Variants in C11orf65 observed in about 807,000 individuals in gnomAD.
C11orf65 encodes protein MFI.
A neutral mutation model predicts 35.3 loss-of-function variants in C11orf65; 38 were observed. That is an observed-to-expected ratio of 1.08 (90% CI 0.83 to 1.41). The LOEUF is 1.41. C11orf65 is among the 40% of genes most tolerant of loss of function. The probability of loss-of-function intolerance (pLI) is 0.00; values close to 1 mark genes in which losing one functional copy is unlikely to be tolerated. For synonymous variants in C11orf65, 105 were observed against 114.4 expected, an observed-to-expected ratio of 0.92 and a Z score of 0.53; for missense variants, 370 against 367.1, an observed-to-expected ratio of 1.01 and a Z score of -0.06.
intron 2 of C11orf65, among the ~76,000 whole-genome samples, chr11:108,459,729 A>G (rs1490770754): frequency 1.0e-4 from 3 of 29,840 alleles, no homozygotes; most frequent in African/African-American, 3.0e-4. Flanking sequence ...CTCCGTCTAC[A>G]CACACACACA....
chr11:108,345,900 C>A, intron 2 of C11orf65: 1 of 1,613,574 alleles, frequency 6.2e-7, no homozygotes, highest in Non-Finnish European at 8.5e-7. Context: ...GTAGCTACTT[C>A]TTCTATTGGT....
chr11:108,357,065 T>A (rs1365093713), intron 2 of C11orf65, among the ~76,000 whole-genome samples: 1 of 152,144 alleles, frequency 6.6e-6, no homozygotes, highest in Non-Finnish European at 1.5e-5. Flanking sequence ...CGCCAGACAG[T>A]GGGCGCAGGT....
chr11:108,433,339 A>T (rs1358085393), intron 2 of C11orf65, among the ~76,000 whole-genome samples: 1 of 151,366 alleles, frequency 6.6e-6, no homozygotes, highest in African/African-American at 2.4e-5. Context: ...GCACTTTGGG[A>T]GGCCAAGGTG....
intron 6 of C11orf65, among the ~76,000 whole-genome samples, chr11:108,315,457 C>T (rs978555099): frequency 4.6e-5 from 7 of 151,962 alleles, no homozygotes; most frequent in Admixed American, 1.3e-4. Context: ...CAAATGTATA[C>T]AAATGATGGA....
At chr11:108,388,421 T>G (rs2092066991) in intron 7 of C11orf65, among the ~76,000 whole-genome samples, 1 of 152,188 alleles carries the variant, frequency 6.6e-6, no homozygotes, top group African/African-American at 2.4e-5. Flanking sequence ...TTGTAGAAAT[T>G]TTTAGATAAT....
intron 2 of C11orf65, among the ~76,000 whole-genome samples, chr11:108,445,177 G>A (rs1216479788): frequency 6.6e-6 from 1 of 152,314 alleles, no homozygotes; most frequent in East Asian, 1.9e-4. Flanking sequence ...CACCTCTGGG[G>A]GAAGGGCACA....
At chr11:108,324,374 A>G (rs1471603035) in intron 6 of C11orf65, among the ~76,000 whole-genome samples, 1 of 152,116 alleles carries the variant, frequency 6.6e-6, no homozygotes, top group Non-Finnish European at 1.5e-5. Flanking sequence ...TATTTATGAT[A>G]TATAGTAGAT....
chr11:108,400,504 C>A (rs527717889), intron 6 of C11orf65, among the ~76,000 whole-genome samples: 1 of 152,160 alleles, frequency 6.6e-6, no homozygotes, highest in Non-Finnish European at 1.5e-5. Context: ...TCTTCGGGAA[C>A]AACATGTAAA....
At chr11:108,406,696 A>T in intron 5 of C11orf65, 67 bp downstream of exon 5, 2 of 1,016,040 alleles carry the variant, frequency 2.0e-6, no homozygotes. Context: ...TTTTAAAATT[A>T]ATTTTTGAAA....
intron 2 of C11orf65, among the ~76,000 whole-genome samples, chr11:108,433,838 G>C (rs1156441668): frequency 2.6e-5 from 4 of 152,016 alleles, no homozygotes; most frequent in Non-Finnish European, 5.9e-5. Flanking sequence ...CTTCTACTGG[G>C]ACAGAACCTC....
intron 3 of C11orf65, chr11:108,334,914 T>G (rs1468409025): frequency 6.4e-7 from 1 of 1,559,654 alleles, no homozygotes; most frequent in Admixed American, 1.7e-5. Context: ...GTATTTTTCT[T>G]TAAGTGCAAA....
intron 2 of C11orf65, among the ~76,000 whole-genome samples, chr11:108,357,556 T>C (rs1366745904): frequency 6.6e-6 from 1 of 152,132 alleles, no homozygotes; most frequent in Non-Finnish European, 1.5e-5. Context: ...TCTGACAGCT[T>C]TGAAGAGAGT....
intron 3 of C11orf65, among the ~76,000 whole-genome samples, chr11:108,416,480 G>C (rs577596637): frequency 6.6e-6 from 1 of 152,186 alleles, no homozygotes; most frequent in African/African-American, 2.4e-5. Context: ...TCAGGAGTTT[G>C]AGACCAGCCA....
At chr11:108,340,160 T>C (rs557063310) in intron 2 of C11orf65, 7 of 151,976 alleles carry the variant, frequency 4.6e-5, no homozygotes, top group Non-Finnish European at 7.4e-5. Flanking sequence ...CTTTATTTTC[T>C]TTTTACTTTT....
At chr11:108,458,264 G>A (rs1057481829) in intron 2 of C11orf65, among the ~76,000 whole-genome samples, 13 of 150,560 alleles carry the variant, frequency 8.6e-5, no homozygotes, top group African/African-American at 2.2e-4. Flanking sequence ...CCACCTACTC[G>A]GGAGGCTGAG....
At chr11:108,360,701 G>A (rs2090623073) in intron 2 of C11orf65, among the ~76,000 whole-genome samples, 3 of 145,192 alleles carry the variant, frequency 2.1e-5, no homozygotes, top group African/African-American at 7.7e-5. Flanking sequence ...AAAACCACAT[G>A]ATTATCTCAA....
At chr11:108,428,405 C>G (rs1195646635) in intron 3 of C11orf65, among the ~76,000 whole-genome samples, 1 of 152,144 alleles carries the variant, frequency 6.6e-6, no homozygotes, top group Non-Finnish European at 1.5e-5. Flanking sequence ...AGACTTGGAA[C>G]CAACCCAAAC....
At chr11:108,427,679 G>A (rs1222915945) in intron 3 of C11orf65, among the ~76,000 whole-genome samples, 1 of 101,294 alleles carries the variant, frequency 9.9e-6, no homozygotes, top group Non-Finnish European at 1.8e-5. Flanking sequence ...TTGAGATCGC[G>A]CCACTGCACT....
At chr11:108,446,853 T>A (rs2093269923) in intron 2 of C11orf65, among the ~76,000 whole-genome samples, 2 of 151,926 alleles carry the variant, frequency 1.3e-5, no homozygotes, top group Admixed American at 1.3e-4. Context: ...GGATAAAGAG[T>A]CAAGACCCAT....
Sources: allele counts gnomAD v4.1 joint callset (sites outside exome capture counted in the v4.1 genomes callset), GRCh38; gene constraint gnomAD v4.1.1; transcripts MANE v1.5; gene names NCBI Gene and HGNC (gene_info 2026-07-23, HGNC 2026-07-21).